The following SLC8A1 variants were observed in gnomAD, a reference collection of about 807,000 sequenced individuals.
SLC8A1 encodes the protein sodium/calcium exchanger 1.
A neutral mutation model predicts 68.3 loss-of-function variants in SLC8A1; 18 were observed. The observed-to-expected ratio is 0.26, with a 90% CI of 0.18 to 0.39. The LOEUF (loss-of-function observed/expected upper bound fraction) is 0.39. Among genes scored for constraint, SLC8A1 ranks in the 10% least tolerant of loss-of-function variants. SLC8A1 has a pLI of 1.00. For synonymous variants in SLC8A1, 475 were observed against 415.5 expected (o/e 1.14, Z -1.74); for missense variants, 985 against 1,156.7 (o/e 0.85, Z 2.15).
At chr2:40,456,316 CAAAAAAAAAA>C (rs67747641), upstream of SLC8A1, among the ~76,000 whole-genome samples, 83 of 102,450 alleles carry the variant, frequency 8.1e-4, no homozygotes, top group African/African-American at 2.7e-3. Flanking sequence ...GACTCCGTCT[CAAAAAAAAAA>C]AAAAAAAAAA....
intron 7 of SLC8A1, among the ~76,000 whole-genome samples, chr2:40,137,642 C>T (rs1185180352): frequency 6.6e-6 from 1 of 151,926 alleles, no homozygotes; most frequent in Non-Finnish European, 1.5e-5. Context: ...TAAGTTTTTC[C>T]TTCTGCTTGG....
chr2:40,233,934 C>A (rs1053462900), intron 2 of SLC8A1, among the ~76,000 whole-genome samples: 8 of 151,864 alleles, frequency 5.3e-5, no homozygotes, highest in Admixed American at 4.6e-4. Context: ...TCTGAGGGCT[C>A]TGTTCTGTTC....
intron 2 of SLC8A1, among the ~76,000 whole-genome samples, chr2:40,202,091 G>T (rs1023309712): frequency 6.6e-6 from 1 of 152,014 alleles, no homozygotes; most frequent in Non-Finnish European, 1.5e-5. Flanking sequence ...CTTAGAGGAT[G>T]TGTTTCCAAA....
chr2:40,328,720 T>C (rs966202287), intron 2 of SLC8A1, among the ~76,000 whole-genome samples: 1 of 152,198 alleles, frequency 6.6e-6, no homozygotes, highest in African/African-American at 2.4e-5. Context: ...TTCATCTTCA[T>C]AGCTCACACT....
chr2:40,383,198 G>C (rs1256037744), intron 2 of SLC8A1, among the ~76,000 whole-genome samples: 1 of 152,022 alleles, frequency 6.6e-6, no homozygotes, highest in Non-Finnish European at 1.5e-5. Context: ...ATAAATCATG[G>C]AGCAAAGTTT....
At chr2:40,490,888 C>A (rs368132211) in intron 1 of SLC8A1, among the ~76,000 whole-genome samples, 3 of 152,030 alleles carry the variant, frequency 2.0e-5, no homozygotes, top group African/African-American at 7.2e-5. Context: ...TACTGAGATA[C>A]AAAATAAAAA....
intron 2 of SLC8A1, among the ~76,000 whole-genome samples, chr2:40,348,405 A>G (rs902587292): frequency 2.0e-5 from 3 of 152,212 alleles, no homozygotes; most frequent in Non-Finnish European, 4.4e-5. Flanking sequence ...CTATCCCATC[A>G]AAGAACCTAT....
At chr2:40,130,911 T>C (rs559222312) in intron 7 of SLC8A1, among the ~76,000 whole-genome samples, 20 of 152,126 alleles carry the variant, frequency 1.3e-4, no homozygotes, top group African/African-American at 4.3e-4. Context: ...ATTCCTACCA[T>C]AGGGAAAAAT....
At chr2:40,222,790 G>C (rs888089588) in intron 2 of SLC8A1, among the ~76,000 whole-genome samples, 29 of 152,206 alleles carry the variant, frequency 1.9e-4, no homozygotes, top group African/African-American at 7.0e-4. Context: ...CTTGTCATTA[G>C]AGAAATGCAA....
intron 1 of SLC8A1, among the ~76,000 whole-genome samples, chr2:40,510,736 A>G (rs1043334110): frequency 1.3e-5 from 2 of 149,550 alleles, no homozygotes; most frequent in Admixed American, 6.8e-5. Context: ...ATAGAATATT[A>G]GTATTTTTAA....
intron 2 of SLC8A1, among the ~76,000 whole-genome samples, chr2:40,386,780 C>T (rs550115179): frequency 3.4e-4 from 52 of 150,932 alleles, no homozygotes; most frequent in Non-Finnish European, 6.6e-4. Context: ...GTTTTATAAG[C>T]AAACAGGCCA....
chr2:40,452,692 T>C (rs1702704168), upstream of SLC8A1, among the ~76,000 whole-genome samples: 1 of 151,232 alleles, frequency 6.6e-6, no homozygotes, highest in African/African-American at 2.4e-5. Context: ...TCACCCTGTG[T>C]TTTTCTACGT....
chr2:40,321,284 G>T (rs537764307), intron 2 of SLC8A1, among the ~76,000 whole-genome samples: 1 of 152,146 alleles, frequency 6.6e-6, no homozygotes, highest in South Asian at 2.1e-4. Context: ...TGAAATCTCG[G>T]TGTATGGTTT....
At chr2:40,212,575 G>C (rs2056804836) in intron 2 of SLC8A1, among the ~76,000 whole-genome samples, 1 of 152,120 alleles carries the variant, frequency 6.6e-6, no homozygotes, top group Non-Finnish European at 1.5e-5. Context: ...GAGCCACCAT[G>C]CCTGGCCGAG....
intron 1 of SLC8A1, among the ~76,000 whole-genome samples, chr2:40,477,173 A>C (rs916601192): frequency 6.6e-6 from 1 of 152,248 alleles, no homozygotes; most frequent in African/African-American, 2.4e-5. Context: ...ATTAAATAAT[A>C]AATTTCCTGG....
chr2:40,291,517 A>G (rs2069317032), intron 2 of SLC8A1, among the ~76,000 whole-genome samples: 1 of 152,126 alleles, frequency 6.6e-6, no homozygotes, highest in African/African-American at 2.4e-5. Context: ...TCCCATTTTT[A>G]GATGAGTCAC....
chr2:40,177,765 T>G, exon 3 of SLC8A1: 3 of 1,546,842 alleles, frequency 1.9e-6, no homozygotes, highest in Non-Finnish European at 2.6e-6. Flanking sequence ...TCATTCCTCT[T>G]CTTATCCATT....
intron 2 of SLC8A1, among the ~76,000 whole-genome samples, chr2:40,377,453 C>G (rs542727616): frequency 2.6e-5 from 4 of 152,130 alleles, no homozygotes; most frequent in Admixed American, 1.3e-4. Context: ...TTGTTTTAAG[C>G]CACTATATTT....
At chr2:40,255,270 A>ATC (rs560163760) in intron 2 of SLC8A1, 1 of 151,610 alleles carries the variant, frequency 6.6e-6, no homozygotes, top group Non-Finnish European at 1.5e-5. Context: ...TATCCTTACC[A>ATC]TCTGCACACT....
Sources: allele counts gnomAD v4.1 joint callset (sites outside exome capture counted in the v4.1 genomes callset), GRCh38; gene constraint gnomAD v4.1.1; transcripts MANE v1.5; gene names NCBI Gene and HGNC (gene_info 2026-07-23, HGNC 2026-07-21).